The following RAB6A variants were observed in gnomAD, a reference collection of about 807,000 sequenced individuals.
The protein encoded by RAB6A is ras-related protein Rab-6A.
In RAB6A, 8 loss-of-function variants were observed where a neutral mutation model predicts 32.3. The ratio of observed to expected loss-of-function variants is 0.25; its 90% CI spans 0.15 to 0.45. The LOEUF (loss-of-function observed/expected upper bound fraction) is 0.45. Among genes scored for constraint, RAB6A ranks in the 20% least tolerant of loss-of-function variants. The pLI is 1.00. For missense variants in RAB6A, 104 were observed against 249.4 expected (o/e 0.42, Z 3.93); for synonymous variants, 73 against 82.1 (o/e 0.89, Z 0.60).
chr11:73,753,035 G>A (rs1946691214), intron 1 of RAB6A, among the ~76,000 whole-genome samples: 2 of 152,116 alleles, frequency 1.3e-5, no homozygotes, highest in Admixed American at 6.6e-5. Context: ...AATCACTTGA[G>A]GCCAGGAGTT....
intron 6 of RAB6A, 151 bp from the exon 7 acceptor site, chr11:73,679,871 G>A: frequency 1.1e-6 from 1 of 908,726 alleles, no homozygotes; most frequent in Non-Finnish European, 1.7e-6. Context: ...GAGGTGGGCA[G>A]ATCACTTGAG....
At chr11:73,730,193 A>C (rs1946282279) in intron 2 of RAB6A, 1 of 152,208 alleles carries the variant, frequency 6.6e-6, no homozygotes, top group South Asian at 2.1e-4. Flanking sequence ...AGTTTCTTAA[A>C]GTAGAATGTT....
At position 73,714,085 on chromosome 11, in the gene RAB6A, G is replaced by A. The variant is rs995539859; in HGVS notation, c.401+2166C>T. On this transcript the variant is annotated intron_variant, in intron 5 of 7. Coordinates refer to ENST00000336083, the MANE Select transcript of RAB6A (RefSeq NM_198896.2). ...CAAGCTCTTGTAATTCCAGCTACTCGGGAGGCTGAGGCAGGAGAATCACTT... is the reference window on the plus strand; with the variant it reads ...CAAGCTCTTGTAATTCCAGCTACTCAGGAGGCTGAGGCAGGAGAATCACTT... 4.0e-5 allele frequency among the ~76,000 whole-genome samples: 6 copies of A among 150,342 alleles called. No homozygotes were observed. The South Asian group carries it at 6.3e-4, about 16-fold the overall frequency.
chr11:73,705,200 G>C (rs1429992625), intron 6 of RAB6A, among the ~76,000 whole-genome samples: 2 of 152,042 alleles, frequency 1.3e-5, no homozygotes, highest in Non-Finnish European at 2.9e-5. Context: ...GAAAAGGACA[G>C]CCTGTACCAG....
chr11:73,757,133 T>A (rs71466366), intron 1 of RAB6A, among the ~76,000 whole-genome samples: 312 of 55,530 alleles, frequency 5.6e-3, no homozygotes, highest in Non-Finnish European at 7.0e-3. Context: ...ATATATATTT[T>A]TTTTTTTTTT....
At chr11:73,739,244 A>T (rs553039766) in intron 1 of RAB6A, among the ~76,000 whole-genome samples, 10 of 122,488 alleles carry the variant, frequency 8.2e-5, no homozygotes. Flanking sequence ...GACTGCAAAA[A>T]AAAAATAGTA....
chr11:73,751,736 T>C (rs899051872), intron 1 of RAB6A, among the ~76,000 whole-genome samples: 3 of 152,194 alleles, frequency 2.0e-5, no homozygotes, highest in Non-Finnish European at 4.4e-5. Context: ...ATGCATTTAC[T>C]GTATGTTATG....
At chr11:73,718,094 AAAATATGATTC>A (rs1946078011) in intron 4 of RAB6A, among the ~76,000 whole-genome samples, 1 of 152,236 alleles carries the variant, frequency 6.6e-6, no homozygotes, top group Admixed American at 6.5e-5. Flanking sequence ...TCACAGAACC[AAAATATGATTC>A]AAATAAAAAA....
chr11:73,706,886 G>A (rs1213872059), intron 6 of RAB6A, among the ~76,000 whole-genome samples: 2 of 152,132 alleles, frequency 1.3e-5, no homozygotes, highest in African/African-American at 4.8e-5. Context: ...GGGAGGCCAA[G>A]GCAGGCGGAT....
At chr11:73,694,199 G>A (rs4944026) in intron 6 of RAB6A, among the ~76,000 whole-genome samples, 137,717 of 152,236 alleles carry the variant, frequency 0.9, 62,586 homozygotes, top group East Asian at 1. Context: ...CAATGCTGTA[G>A]TAACAATTTT....
intron 2 of RAB6A, among the ~76,000 whole-genome samples, chr11:73,727,936 T>C (rs1946246690): frequency 2.0e-5 from 3 of 152,188 alleles, no homozygotes; most frequent in African/African-American, 7.2e-5. Context: ...ACAATACATA[T>C]AAAATGGATA....
At chr11:73,728,933 G>GT (rs1372369495) in intron 2 of RAB6A, among the ~76,000 whole-genome samples, 3 of 151,572 alleles carry the variant, frequency 2.0e-5, no homozygotes, top group East Asian at 3.9e-4. Flanking sequence ...TATGTGGGCA[G>GT]TTTTTTTTAT....
At chr11:73,716,991 T>C (rs1418413759) in intron 4 of RAB6A, among the ~76,000 whole-genome samples, 3 of 152,208 alleles carry the variant, frequency 2.0e-5, no homozygotes, top group African/African-American at 7.2e-5. Flanking sequence ...AATATTTGAA[T>C]CACATTTGTG....
intron 1 of RAB6A, among the ~76,000 whole-genome samples, chr11:73,741,452 AC>A (rs1946494467): frequency 6.6e-6 from 1 of 151,848 alleles, no homozygotes. Context: ...ATATACTCTT[AC>A]CATATGATCC....
chr11:73,687,367 G>A (rs1394981149), intron 6 of RAB6A, among the ~76,000 whole-genome samples: 1 of 152,146 alleles, frequency 6.6e-6, no homozygotes, highest in African/African-American at 2.4e-5. Context: ...ACGGAAAATG[G>A]ATACAATCTT....
At chr11:73,723,150 T>C (rs1276899015) in intron 2 of RAB6A, among the ~76,000 whole-genome samples, 2 of 152,062 alleles carry the variant, frequency 1.3e-5, no homozygotes, top group East Asian at 1.9e-4. Context: ...GCAAGTACTG[T>C]GTAAGGTACT....
At chr11:73,687,393 A>G (rs1014467619) in intron 6 of RAB6A, among the ~76,000 whole-genome samples, 1 of 152,218 alleles carries the variant, frequency 6.6e-6, no homozygotes, top group African/African-American at 2.4e-5. Flanking sequence ...AATGAACACA[A>G]TCTTAGGCAC....
At chr11:73,708,613 G>A (rs1945889097) in intron 5 of RAB6A, among the ~76,000 whole-genome samples, 1 of 152,160 alleles carries the variant, frequency 6.6e-6, no homozygotes, top group South Asian at 2.1e-4. Flanking sequence ...CAAATTGTGA[G>A]ATCTCAAGTG....
At chr11:73,686,639 T>G (rs918027205) in intron 6 of RAB6A, among the ~76,000 whole-genome samples, 5 of 152,142 alleles carry the variant, frequency 3.3e-5, no homozygotes, top group Non-Finnish European at 5.9e-5. Flanking sequence ...TAGGAAAGGT[T>G]TGGCTACTTT....
Sources: allele counts gnomAD v4.1 joint callset (sites outside exome capture counted in the v4.1 genomes callset), GRCh38; gene constraint gnomAD v4.1.1; transcripts MANE v1.5; gene names NCBI Gene and HGNC (gene_info 2026-07-23, HGNC 2026-07-21).